Variants in RGS20 observed in about 807,000 individuals in gnomAD.
The protein encoded by RGS20 is gz-selective GTPase-activating protein.
RGS20 carries 30 observed loss-of-function variants against 33.6 expected under a neutral mutation model. The observed-to-expected ratio is 0.89, with a 90% CI of 0.67 to 1.21. The LOEUF (loss-of-function observed/expected upper bound fraction) is 1.21. Ranked by LOEUF, RGS20 falls within the 50% of genes most tolerant of loss-of-function variation. RGS20 has a pLI of 0.00. For missense variants in RGS20, 472 were observed against 502.4 expected, an observed-to-expected ratio of 0.94 and a Z score of 0.58; for synonymous variants, 208 against 197.9, an observed-to-expected ratio of 1.05 and a Z score of -0.43.
intron 2 of RGS20, among the ~76,000 whole-genome samples, chr8:53,910,938 C>T (rs1813331331): frequency 6.6e-6 from 1 of 152,000 alleles, no homozygotes; most frequent in African/African-American, 2.4e-5. Context: ...TCATACAGGC[C>T]ACATTTTCTG....
At chr8:53,863,561 T>C (rs1425183470) in intron 1 of RGS20, among the ~76,000 whole-genome samples, 1 of 152,076 alleles carries the variant, frequency 6.6e-6, no homozygotes, top group Non-Finnish European at 1.5e-5. Flanking sequence ...GAAGATGTCC[T>C]TTTTTACCAA....
chr8:53,949,941 G>A (rs1406743767), intron 4 of RGS20, among the ~76,000 whole-genome samples: 3 of 151,358 alleles, frequency 2.0e-5, no homozygotes, highest in African/African-American at 4.9e-5. Context: ...CTGGGTTCAA[G>A]CGATTCTCAT....
chr8:53,880,150 C>A (rs368019694), intron 2 of RGS20: 6 of 152,710 alleles, frequency 3.9e-5, no homozygotes, highest in Non-Finnish European at 8.8e-5. Flanking sequence ...CGCGGTGCTG[C>A]GAGTCCGGAG....
At chr8:53,931,341 G>T (rs1047376279) in intron 2 of RGS20, among the ~76,000 whole-genome samples, 3 of 152,192 alleles carry the variant, frequency 2.0e-5, no homozygotes, top group Non-Finnish European at 4.4e-5. Flanking sequence ...CAGATCATGA[G>T]GTCAGGAGTT....
intron 3 of RGS20, among the ~76,000 whole-genome samples, chr8:53,943,020 G>C (rs1814354627): frequency 6.6e-6 from 1 of 151,726 alleles, no homozygotes; most frequent in African/African-American, 2.4e-5. Context: ...TCATATGCTA[G>C]AGGGAAAAAA....
chr8:53,852,828 G>A lies in RGS20; in HGVS notation c.165+764G>A, dbSNP rs948427166. ...CAGAAAATTCACCTGTTCTTTTGCC[G>A]CGGCTCATATCCTGATATCATTATT... On this transcript the variant is annotated intron_variant, in intron 1 of 5. Transcript: ENST00000297313. 1.2e-4 allele frequency among the ~76,000 whole-genome samples: 18 copies of A among 152,158 alleles called. No homozygotes were observed. The East Asian group carries it at 1.5e-3, about 13-fold the overall frequency.
At chr8:53,883,187 G>T (rs193131572) in intron 2 of RGS20, among the ~76,000 whole-genome samples, 1 of 148,920 alleles carries the variant, frequency 6.7e-6, no homozygotes, top group African/African-American at 2.5e-5. Context: ...ACTGAGTTTC[G>T]CTCTTGTGGC....
chr8:53,957,439 T>C (rs183907105), intron 5 of RGS20, among the ~76,000 whole-genome samples: 11 of 152,328 alleles, frequency 7.2e-5, no homozygotes, highest in African/African-American at 2.6e-4. Flanking sequence ...TCAGGCCCTG[T>C]GATTGGAACC....
intron 4 of RGS20, among the ~76,000 whole-genome samples, chr8:53,950,697 C>T (rs541036625): frequency 2.8e-4 from 42 of 152,106 alleles, no homozygotes; most frequent in South Asian, 6.2e-4. Flanking sequence ...TCACTGCAAC[C>T]TCTGCCTCCT....
At chr8:53,957,121 T>C (rs1405905882) in intron 5 of RGS20, among the ~76,000 whole-genome samples, 1 of 151,462 alleles carries the variant, frequency 6.6e-6, no homozygotes, top group Non-Finnish European at 1.5e-5. Flanking sequence ...GTGACAGGGA[T>C]GGATTTTGTT....
intron 2 of RGS20, among the ~76,000 whole-genome samples, chr8:53,938,146 A>G (rs1172531302): frequency 6.6e-6 from 1 of 152,224 alleles, no homozygotes; most frequent in East Asian, 1.9e-4. Context: ...ATGCCCATCA[A>G]TGATAGACTG....
intron 1 of RGS20, among the ~76,000 whole-genome samples, chr8:53,865,646 G>T (rs528205050): frequency 6.6e-6 from 1 of 152,198 alleles, no homozygotes; most frequent in South Asian, 2.1e-4. Flanking sequence ...TTGCCCTCTC[G>T]CCCAGGCTGG....
At chr8:53,886,756 G>A (rs993277865) in intron 2 of RGS20, among the ~76,000 whole-genome samples, 3 of 152,154 alleles carry the variant, frequency 2.0e-5, no homozygotes, top group Non-Finnish European at 2.9e-5. Context: ...TTCAAGGCTG[G>A]AGCACAAGTT....
In RGS20 at chr8:53,958,573, C is replaced by G. The variant is rs1365016536; in HGVS notation, c.*115C>G. On this transcript the variant is annotated 3_prime_UTR_variant, in exon 6 of 6. Transcript: ENST00000297313. Reference sequence around the variant, plus strand: ...CTGCTGGAGTAATACTCAGGCTATTCTAATAACAGATGATTCCTTCAACAG... The same window carrying G: ...CTGCTGGAGTAATACTCAGGCTATTGTAATAACAGATGATTCCTTCAACAG... The G allele has an allele frequency of 2.1e-6, 1 of 471,552 alleles. No homozygotes were observed. Among genetic ancestry groups the G allele is most frequent in the Non-Finnish European group, 3.4e-6 (1 of 291,750 alleles). The allele number at this position is 471,552 out of a possible 1,614,324, so 29.2% of individuals were successfully genotyped here.
At chr8:53,946,283 A>ACC (rs1814474886) in intron 3 of RGS20, among the ~76,000 whole-genome samples, 1 of 152,078 alleles carries the variant, frequency 6.6e-6, no homozygotes, top group Non-Finnish European at 1.5e-5. Flanking sequence ...GGCTGGTCTT[A>ACC]AACTCCTGGC....
chr8:53,950,926 T>G (rs752427082), intron 4 of RGS20, among the ~76,000 whole-genome samples: 2 of 152,196 alleles, frequency 1.3e-5, no homozygotes, highest in South Asian at 2.1e-4. Context: ...AATCTATACT[T>G]CTTCCCCATA....
At chr8:53,881,039 G>GCCGGCCGGGGCTTCCTCC (rs779568421) in intron 2 of RGS20, 10 of 1,569,966 alleles carry the variant, frequency 6.4e-6, no homozygotes, top group Admixed American at 1.9e-5. Context: ...ACGGAGGCGA[G>GCCGGCCGGGGCTTCCTCC]CCGGCCGGGG....
At chr8:53,905,574 T>A (rs1473152088) in intron 2 of RGS20, among the ~76,000 whole-genome samples, 1 of 152,192 alleles carries the variant, frequency 6.6e-6, no homozygotes, top group Non-Finnish European at 1.5e-5. Context: ...ACATCACTGT[T>A]GACCAGCATT....
chr8:53,958,299 G>C lies in RGS20; in HGVS notation c.1008G>C (p.Val336=), dbSNP rs752018320. Residue 336 remains valine, a synonymous_variant, in exon 6 of 6, where the codon GTG becomes GTC. Transcript: ENST00000297313. ...GCTTAGACTCCCGGGTGAGAGAAGTGATCAACAGAAACATGGTGGAGCCAT... is the reference window on the plus strand; with the variant it reads ...GCTTAGACTCCCGGGTGAGAGAAGTCATCAACAGAAACATGGTGGAGCCAT... 4.7e-5 allele frequency: 75 copies of C among 1,612,822 alleles called. 3 individuals carry two copies. The South Asian group carries it at 7.3e-4, about 16-fold the overall frequency.
Sources: gnomAD v4.1 joint callset for allele counts (sites outside exome capture counted in the v4.1 genomes callset) on GRCh38, gnomAD v4.1.1 for gene constraint, MANE v1.5 for transcripts, NCBI Gene and HGNC (gene_info 2026-07-23, HGNC 2026-07-21) for gene names.